Variants in BTBD3 observed in about 807,000 individuals in gnomAD.
BTBD3 encodes BTB/POZ domain-containing protein 3.
A neutral mutation model predicts 41.6 loss-of-function variants in BTBD3; 14 were observed. The observed-to-expected ratio is 0.34, with a 90% confidence interval of 0.22 to 0.53. The LOEUF is 0.53. Ranked by LOEUF, BTBD3 falls within the 20% of genes least tolerant of loss-of-function variation. The pLI is 0.95. For synonymous variants in BTBD3, 249 were observed against 233.7 expected (o/e 1.07, Z -0.60); for missense variants, 426 against 654.7 (o/e 0.65, Z 3.81).
chr20:11,911,654 C>G (rs1028557389), intron 1 of BTBD3, among the ~76,000 whole-genome samples: 2 of 152,194 alleles, frequency 1.3e-5, no homozygotes, highest in Non-Finnish European at 2.9e-5. Flanking sequence ...TCCTAGGCCT[C>G]TTGCAGGGCC....
chr20:11,921,843 A>T (rs1467673071), intron 3 of BTBD3, among the ~76,000 whole-genome samples: 1 of 152,208 alleles, frequency 6.6e-6, no homozygotes, highest in Admixed American at 6.5e-5. Flanking sequence ...GCAGATGATG[A>T]CTACCTTTAC....
At chr20:11,904,723 C>G (rs1251668847) in intron 1 of BTBD3, among the ~76,000 whole-genome samples, 1 of 152,096 alleles carries the variant, frequency 6.6e-6, no homozygotes, top group Non-Finnish European at 1.5e-5. Flanking sequence ...AATCTGGCCT[C>G]AAACAGATGT....
At chr20:11,920,524 A>T (rs1482524264) in intron 3 of BTBD3, among the ~76,000 whole-genome samples, 1 of 152,192 alleles carries the variant, frequency 6.6e-6, no homozygotes, top group Non-Finnish European at 1.5e-5. Flanking sequence ...TATAAAAAAG[A>T]TAGTTTTCTG....
chr20:11,892,473 G>C (rs1167683819), intron 1 of BTBD3: 2 of 152,150 alleles, frequency 1.3e-5, no homozygotes, highest in Non-Finnish European at 2.9e-5. Context: ...TTACCCTTGG[G>C]TTTCTGAACA....
At chr20:11,918,656 G>A (rs914983189) in intron 1 of BTBD3, 55 bp downstream of exon 1, 3 of 1,495,440 alleles carry the variant, frequency 2.0e-6, no homozygotes, top group Non-Finnish European at 2.7e-6. Context: ...TGAAGTTTCT[G>A]CTTTTGCAAA....
At chr20:11,921,018 G>A (rs986798542) in intron 3 of BTBD3, among the ~76,000 whole-genome samples, 2 of 152,190 alleles carry the variant, frequency 1.3e-5, no homozygotes, top group Admixed American at 1.3e-4. Context: ...AAACTAATCT[G>A]CTACTTTTAA....
At chr20:11,893,798 G>A (rs886455269) in intron 1 of BTBD3, among the ~76,000 whole-genome samples, 2 of 145,154 alleles carry the variant, frequency 1.4e-5, no homozygotes, top group African/African-American at 5.0e-5. Flanking sequence ...ATTAGATGAT[G>A]TGCTTCCATT....
At chr20:11,895,203 C>T (rs1295717202) in intron 1 of BTBD3, among the ~76,000 whole-genome samples, 1 of 151,936 alleles carries the variant, frequency 6.6e-6, no homozygotes, top group Non-Finnish European at 1.5e-5. Flanking sequence ...TGTGTTGATC[C>T]TCTAGTCTTA....
chr20:11,920,112 T>C (rs955497066), intron 3 of BTBD3, among the ~76,000 whole-genome samples: 4 of 152,186 alleles, frequency 2.6e-5, no homozygotes, highest in African/African-American at 9.7e-5. Flanking sequence ...TAAAGACAAA[T>C]AACTTTCTGG....
chr20:11,923,830 A>C lies in BTBD3; in HGVS notation c.*164A>C. 1.5e-6 allele frequency: 1 copy of C among 650,860 alleles called. No individual in the cohort carries two copies. The allele number at this position is 650,860 out of a possible 1,614,324, so 40.3% of individuals were successfully genotyped here. On this transcript the variant is annotated 3_prime_UTR_variant, in exon 4 of 4. Coordinates refer to ENST00000378226, the MANE Select transcript of BTBD3 (RefSeq NM_014962.4). This position sits in a 1 kb window ranked among gnomAD's most constrained non-coding sequence, Gnocchi z 5.3. Reference sequence around the variant, plus strand: ...TTAACCTTTTAATTATGTACAGGCAAAAATGCAGCATTCCGCTTTTAACTA... The same window carrying C: ...TTAACCTTTTAATTATGTACAGGCACAAATGCAGCATTCCGCTTTTAACTA...
chr20:11,903,288 A>G (rs1349758351), intron 1 of BTBD3, among the ~76,000 whole-genome samples: 1 of 152,180 alleles, frequency 6.6e-6, no homozygotes, highest in African/African-American at 2.4e-5. Flanking sequence ...AAAGTTAACA[A>G]ATTATCTTAA....
chr20:11,917,116 T>G (rs755731846), upstream of BTBD3, among the ~76,000 whole-genome samples: 9 of 152,250 alleles, frequency 5.9e-5, no homozygotes, highest in Non-Finnish European at 8.8e-5. Flanking sequence ...AAATGTAGCC[T>G]TAACAGTTAA....
chr20:11,925,267 C>T lies in BTBD3; in HGVS notation c.*1601C>T, dbSNP rs2057009281. ...CAGCTCAGGAGCTGTCTCCTCTCTA[C>T]CTGGCTAGTAAGAGGTGGGACAGTA... On this transcript the variant is annotated 3_prime_UTR_variant, in exon 4 of 4. Transcript: ENST00000378226. The T allele has an allele frequency of 6.5e-6, 1 of 152,728 alleles. No homozygotes were observed. Among genetic ancestry groups the T allele is most frequent in the African/African-American group, 2.4e-5 (1 of 41,460 alleles). The allele number at this position is 152,728 out of a possible 1,614,324, so 9.5% of individuals were successfully genotyped here.
intron 1 of BTBD3, among the ~76,000 whole-genome samples, chr20:11,897,290 A>G (rs1007451001): frequency 1.3e-5 from 2 of 152,158 alleles, no homozygotes; most frequent in Non-Finnish European, 1.5e-5. Context: ...CTTAACGTGA[A>G]TATGTGAAAG....
At chr20:11,920,432 T>C (rs896643446) in intron 3 of BTBD3, among the ~76,000 whole-genome samples, 1 of 152,216 alleles carries the variant, frequency 6.6e-6, no homozygotes, top group African/African-American at 2.4e-5. Flanking sequence ...ATGGATAGTC[T>C]CGTACAGTTT....
At chr20:11,919,003 G>T in intron 1 of BTBD3, 83 bp from the exon 2 acceptor site, 1 of 1,025,034 alleles carries the variant, frequency 9.8e-7, no homozygotes, top group Non-Finnish European at 1.5e-6. Flanking sequence ...TAGCTTGCAA[G>T]TCTTTTGTGG....
At chr20:11,922,412 A>G (rs1453724304) in intron 3 of BTBD3, among the ~76,000 whole-genome samples, 2 of 152,226 alleles carry the variant, frequency 1.3e-5, no homozygotes, top group Non-Finnish European at 2.9e-5. Flanking sequence ...CTAGAATGGT[A>G]GCACAAAGTT....
upstream of BTBD3, chr20:11,913,177 C>G (rs940713348): frequency 1.3e-5 from 2 of 152,178 alleles, no homozygotes; most frequent in African/African-American, 2.4e-5. Flanking sequence ...TTTTTAGCGG[C>G]CTTGTAGTAA....
At chr20:11,891,184 G>T (rs6109170) in intron 1 of BTBD3, 19 of 164,348 alleles carry the variant, frequency 1.2e-4, no homozygotes, top group African/African-American at 4.3e-4. Flanking sequence ...CCGAGGGGGG[G>T]GGGGTCCCAG....
Sources: gnomAD v4.1 joint callset for allele counts (sites outside exome capture counted in the v4.1 genomes callset) on GRCh38, gnomAD v4.1.1 for gene constraint, Gnocchi (gnomAD v3.1) non-coding constraint, MANE v1.5 for transcripts, NCBI Gene and HGNC (gene_info 2026-07-23, HGNC 2026-07-21) for gene names.